Variants in BLOC1S5 observed in about 807,000 individuals in gnomAD.
BLOC1S5 encodes the protein biogenesis of lysosomal organelles complex 1 subunit 5, also known as biogenesis of lysosome-related organelles complex 1 subunit 5.
Under a neutral mutation model 24.3 loss-of-function variants are expected in BLOC1S5, and 27 were observed. The observed-to-expected ratio is 1.11, with a 90% CI of 0.82 to 1.53. BLOC1S5 has a LOEUF of 1.53. Among genes scored for constraint, BLOC1S5 ranks in the 40% most tolerant of loss-of-function variants. BLOC1S5 has a pLI of 0.00. For missense variants in BLOC1S5, 239 were observed against 229.4 expected (o/e 1.04, Z -0.27); for synonymous variants, 84 against 74.5 (o/e 1.13, Z -0.66).
Position 8,026,434 on chromosome 6 carries a change from A to G in BLOC1S5, c.326-9T>C, listed in dbSNP as rs1286100044. ...GTCATTAGCTGCTTGCACTGAAATG[A>G]AAAAGACATGGGTTTTCAGTCAGCA... is the stretch of plus-strand genomic sequence containing the variant. On this transcript the variant is annotated splice_polypyrimidine_tract_variant and intron_variant, in intron 3 of 4. Transcript: ENST00000397457. 1.2e-6 allele frequency: 2 copies of G among 1,612,414 alleles called. No individual in the cohort carries two copies. The highest frequency in any genetic ancestry group is 4.5e-5 in the East Asian group (2 of 44,868).
intron 4 of BLOC1S5, among the ~76,000 whole-genome samples, chr6:8,016,096 C>T (rs1762723474): frequency 6.6e-6 from 1 of 152,216 alleles, no homozygotes; most frequent in African/African-American, 2.4e-5. Context: ...GAGGCCGAAG[C>T]CGGTGGATCA....
At chr6:8,017,385 A>AACAC (rs59166291) in intron 4 of BLOC1S5, among the ~76,000 whole-genome samples, 85,500 of 149,510 alleles carry the variant, frequency 0.57, 25,152 homozygotes, top group East Asian at 0.81. Context: ...CTCAAAAACA[A>AACAC]ACACACACAC....
intron 4 of BLOC1S5, chr6:8,018,079 G>C (rs1762803228): frequency 6.6e-6 from 1 of 152,150 alleles, no homozygotes; most frequent in African/African-American, 2.4e-5. Context: ...TATGTCCTAC[G>C]GACACTTGGG....
intron 3 of BLOC1S5, among the ~76,000 whole-genome samples, chr6:8,032,955 C>T (rs1335584470): frequency 5.9e-5 from 9 of 152,102 alleles, no homozygotes; most frequent in Non-Finnish European, 1.5e-5. Context: ...GAACTACAAA[C>T]CACTGCTTGC....
chr6:8,033,582 G>A (rs199527454), intron 3 of BLOC1S5, among the ~76,000 whole-genome samples: 1 of 152,078 alleles, frequency 6.6e-6, no homozygotes, highest in Non-Finnish European at 1.5e-5. Flanking sequence ...GGACTTCATG[G>A]CTAAAACACC....
At chr6:8,046,165 T>C (rs1763891352) in intron 2 of BLOC1S5, among the ~76,000 whole-genome samples, 1 of 152,202 alleles carries the variant, frequency 6.6e-6, no homozygotes. Flanking sequence ...TGAATAAGTC[T>C]CATGAGATCT....
intron 2 of BLOC1S5, among the ~76,000 whole-genome samples, chr6:8,045,562 C>A (rs1384876697): frequency 6.6e-6 from 1 of 152,162 alleles, no homozygotes; most frequent in Non-Finnish European, 1.5e-5. Flanking sequence ...ACACTCAATG[C>A]CAGCCTATGA....
chr6:8,029,910 AGAG>A (rs1261797671), intron 3 of BLOC1S5, among the ~76,000 whole-genome samples: 1 of 152,252 alleles, frequency 6.6e-6, no homozygotes, highest in Non-Finnish European at 1.5e-5. Context: ...GAAACAAGAC[AGAG>A]GAGATGGGAA....
Position 8,059,800 on chromosome 6 carries a change from C to T in BLOC1S5, c.195+2734G>A, listed in dbSNP as rs902595098. Among the ~76,000 whole-genome samples, 26 of 152,296 alleles carry T rather than the reference C, an allele frequency of 1.7e-4. 1 individual carries two copies. Among genetic ancestry groups the T allele is most frequent in the African/African-American group, 6.0e-4 (25 of 41,560 alleles). ...TTGTGTTGGTCACTGTGTGAAAAGA[C>T]TGGATCAAGTACTTTTCAAGAAAAG... On this transcript the variant is annotated intron_variant, in intron 2 of 4. Coordinates refer to ENST00000397457, the MANE Select transcript of BLOC1S5 (RefSeq NM_201280.3).
intron 3 of BLOC1S5, among the ~76,000 whole-genome samples, chr6:8,030,035 T>C (rs1763244190): frequency 6.6e-6 from 1 of 152,166 alleles, no homozygotes; most frequent in Non-Finnish European, 1.5e-5. Flanking sequence ...AGTCAGTGAA[T>C]GACCTCAGTG....
rs973763361 is a variant in BLOC1S5 at position 8,021,640 on chromosome 6, G to A, written c.384+4727C>T. Among the ~76,000 whole-genome samples the A allele has an allele frequency of 2.7e-5, 4 of 150,878 alleles. 1 individual carries two copies. In the East Asian group the frequency reaches 7.7e-4, roughly 29 times the overall value. On this transcript the variant is annotated intron_variant, in intron 4 of 4. Transcript: ENST00000397457. Reference sequence around the variant, plus strand: ...AATAAATTTAGAAAAAAAAAGTTCCGTGGATGGATGGTGGTGATGGTTGAA... The same window carrying A: ...AATAAATTTAGAAAAAAAAAGTTCCATGGATGGATGGTGGTGATGGTTGAA...
At chr6:8,022,568 A>ATTTTTTTTTTTCTT (rs35289860) in intron 4 of BLOC1S5, among the ~76,000 whole-genome samples, 1 of 123,974 alleles carries the variant, frequency 8.1e-6, no homozygotes, top group African/African-American at 2.9e-5. Flanking sequence ...TTCAAACTCT[A>ATTTTTTTTTTTCTT]TTTTTTTTTT....
Position 8,016,220 on chromosome 6 carries a change from G to C in BLOC1S5, c.385-392C>G, listed in dbSNP as rs569344236. On this transcript the variant is annotated intron_variant, in intron 4 of 4. Coordinates refer to ENST00000397457, the MANE Select transcript of BLOC1S5 (RefSeq NM_201280.3). Reference sequence around the variant, plus strand: ...ACATGGCTGTAGTTCCAGCTACTCGGGAGGCTGAGGTGGAAGAATCGCCTG... The same window carrying C: ...ACATGGCTGTAGTTCCAGCTACTCGCGAGGCTGAGGTGGAAGAATCGCCTG... Among the ~76,000 whole-genome samples the C allele has an allele frequency of 3.4e-4, 51 of 152,232 alleles. 1 individual carries two copies. Among genetic ancestry groups the C allele is most frequent in the African/African-American group, 1.2e-3 (50 of 41,530 alleles).
At chr6:8,041,290 C>T (rs79914555) in intron 2 of BLOC1S5, 22 bp from the exon 3 acceptor site, 26 of 1,193,202 alleles carry the variant, frequency 2.2e-5, no homozygotes, top group Admixed American at 6.2e-5. Context: ...AAGTAGATGA[C>T]TAATAAATAT....
chr6:8,047,439 C>T (rs973564824), intron 2 of BLOC1S5, among the ~76,000 whole-genome samples: 8 of 152,080 alleles, frequency 5.3e-5, no homozygotes, highest in Admixed American at 2.6e-4. Context: ...GTTGACCACG[C>T]CTGGCCAACA....
chr6:8,049,037 A>AAGAGGAGGGGAGGGG (rs1764011328), intron 2 of BLOC1S5, among the ~76,000 whole-genome samples: 1 of 118,788 alleles, frequency 8.4e-6, no homozygotes, highest in South Asian at 3.8e-4. Flanking sequence ...GGAAAGAAAG[A>AAGAGGAGGGGAGGGG]AGAGGAGGGG....
chr6:8,034,634 A>T (rs1434832990), intron 3 of BLOC1S5, among the ~76,000 whole-genome samples: 1 of 152,290 alleles, frequency 6.6e-6, no homozygotes, highest in East Asian at 1.9e-4. Context: ...TAATAATAAA[A>T]AAAGAATTGA....
Position 8,031,001 on chromosome 6 carries a change from C to T in BLOC1S5, c.326-4576G>A, listed in dbSNP as rs557893528. Among the ~76,000 whole-genome samples, 46 of 152,200 alleles carry T rather than the reference C, an allele frequency of 3.0e-4. No homozygotes were observed. In the South Asian group the frequency reaches 7.5e-3, roughly 25 times the overall value. On this transcript the variant is annotated intron_variant, in intron 3 of 4. Coordinates refer to ENST00000397457, the MANE Select transcript of BLOC1S5 (RefSeq NM_201280.3). ...ACCCTAAGGTAGTAAAAGCCATCTACGACAAACCCACAGCCAACATTATAC... is the reference window on the plus strand; with the variant it reads ...ACCCTAAGGTAGTAAAAGCCATCTATGACAAACCCACAGCCAACATTATAC...
intron 2 of BLOC1S5, chr6:8,054,330 G>A: frequency 2.3e-6 from 1 of 437,584 alleles, no homozygotes; most frequent in Non-Finnish European, 4.5e-6. Context: ...CACAGCCACT[G>A]GATATTACAC....
Sources: gnomAD v4.1 joint callset for allele counts (sites outside exome capture counted in the v4.1 genomes callset) on GRCh38, gnomAD v4.1.1 for gene constraint, MANE v1.5 for transcripts, NCBI Gene and HGNC (gene_info 2026-07-23, HGNC 2026-07-21) for gene names.